TOX3: variants seen among roughly 807,000 people sequenced by gnomAD.
TOX3 encodes the protein TOX high mobility group box family member 3, also known as CAG trinucleotide repeat-containing gene F9 protein.
Under a neutral mutation model 64.3 loss-of-function variants are expected in TOX3, and 22 were observed. The ratio of observed to expected loss-of-function variants is 0.34; its 90% CI spans 0.24 to 0.49. TOX3 has a LOEUF of 0.49. Among genes scored for constraint, TOX3 ranks in the 20% least tolerant of loss-of-function variants. TOX3 has a pLI of 0.99. For synonymous variants in TOX3, 291 were observed against 273.6 expected, an observed-to-expected ratio of 1.06 and a Z score of -0.63; for missense variants, 661 against 714.4, an observed-to-expected ratio of 0.93 and a Z score of 0.85.
intron 1 of TOX3, among the ~76,000 whole-genome samples, chr16:52,527,208 G>T (rs537076259): frequency 6.6e-6 from 1 of 150,738 alleles, no homozygotes; most frequent in East Asian, 2.0e-4. Flanking sequence ...GAAAAAGCTA[G>T]CAGGTATACT....
Position 52,526,223 on chromosome 16 carries a change from G to T in TOX3, c.87+20414C>A, listed in dbSNP as rs202236033. On this transcript the variant is annotated intron_variant, in intron 1 of 6. Transcript: ENST00000219746. ...AGCCTGCCTGGAATGTCCAGCGAAA[G>T]CTTCAATAATCAGGGAGAAATGAGT... Among the ~76,000 whole-genome samples the T allele has an allele frequency of 6.6e-5, 10 of 152,306 alleles. No homozygotes were observed. In the East Asian group the frequency reaches 1.9e-3, roughly 29 times the overall value.
chr16:52,444,390 C>A, intron 5 of TOX3, 34 bp from the exon 6 acceptor site: 1 of 1,485,932 alleles, frequency 6.7e-7, no homozygotes, highest in Non-Finnish European at 9.1e-7. Context: ...CCACCTTTAG[C>A]GTATAAATTC....
At chr16:52,491,787 C>A (rs185683719) in intron 1 of TOX3, among the ~76,000 whole-genome samples, 9 of 152,142 alleles carry the variant, frequency 5.9e-5, no homozygotes, top group Admixed American at 5.9e-4. Context: ...AGTGTTATCT[C>A]CATCCTTAGA....
At chr16:52,518,507 G>A (rs529581305) in intron 1 of TOX3, among the ~76,000 whole-genome samples, 13 of 152,250 alleles carry the variant, frequency 8.5e-5, no homozygotes, top group Admixed American at 2.6e-4. Flanking sequence ...GTTCAAAGCC[G>A]GCTACTTGTT....
At chr16:52,489,314 A>C (rs1271385090) in intron 1 of TOX3, among the ~76,000 whole-genome samples, 1 of 152,104 alleles carries the variant, frequency 6.6e-6, no homozygotes, top group Non-Finnish European at 1.5e-5. Flanking sequence ...CCCACTAACT[A>C]TGTGTCCATC....
intron 1 of TOX3, among the ~76,000 whole-genome samples, chr16:52,487,934 C>A (rs906197732): frequency 3.3e-5 from 5 of 152,138 alleles, no homozygotes; most frequent in African/African-American, 1.2e-4. Flanking sequence ...TTTTCCCCCA[C>A]AATTCTGATA....
rs138831165 is a variant in TOX3, at chr16:52,511,990, G to A, written c.87+34647C>T. ...GAGAACTTGGAATCAGAAATTCCAC[G>A]TTCAAGCACCACGTTGCCTATTCCT... On this transcript the variant is annotated intron_variant, in intron 1 of 6. Transcript: ENST00000219746. Among the ~76,000 whole-genome samples, 749 of 152,288 alleles carry A rather than the reference G, an allele frequency of 4.9e-3. 4 individuals carry two copies. Among genetic ancestry groups the A allele is most frequent in the Middle Eastern group, 0.034 (10 of 294 alleles).
chr16:52,541,646 A>G (rs550986097), intron 1 of TOX3, among the ~76,000 whole-genome samples: 3 of 152,380 alleles, frequency 2.0e-5, no homozygotes, highest in East Asian at 3.9e-4. Context: ...AGTTTGTGAC[A>G]TGAAGTAGAT....
chr16:52,547,065 G>T lies in TOX3; in HGVS notation c.-342C>A. On this transcript the variant is annotated 5_prime_UTR_variant, in exon 1 of 7. Transcript: ENST00000219746. ...GAGTTCAGGTGCGCTGGGCGAGGCT[G>T]GGACGGCGGCGGCGGCGGCGGCTGG... 1.7e-6 allele frequency: 1 copy of T among 588,660 alleles called. No homozygotes were observed. Among genetic ancestry groups the T allele is most frequent in the Non-Finnish European group, 2.1e-6 (1 of 469,604 alleles). 36.5% of individuals were successfully genotyped at this position (588,660 alleles called of 1,614,324 possible).
At chr16:52,459,765 G>A (rs1356344364) in intron 3 of TOX3, among the ~76,000 whole-genome samples, 9 of 152,030 alleles carry the variant, frequency 5.9e-5, no homozygotes, top group Non-Finnish European at 8.8e-5. Flanking sequence ...ATTAAGCAAC[G>A]TTGCTAAAAA....
chr16:52,462,342 AT>A (rs1450935566), intron 3 of TOX3, among the ~76,000 whole-genome samples: 1 of 152,126 alleles, frequency 6.6e-6, no homozygotes, highest in Non-Finnish European at 1.5e-5. Flanking sequence ...TTATTTTATG[AT>A]TCCATCTTTA....
intron 1 of TOX3, among the ~76,000 whole-genome samples, chr16:52,527,269 G>A (rs1407828006): frequency 1.3e-5 from 2 of 152,102 alleles, no homozygotes; most frequent in African/African-American, 4.8e-5. Flanking sequence ...ACAATATTAG[G>A]AGAAATGGAA....
chr16:52,456,030 G>A (rs917136931), intron 3 of TOX3, among the ~76,000 whole-genome samples: 2 of 152,154 alleles, frequency 1.3e-5, no homozygotes, highest in African/African-American at 4.8e-5. Context: ...ACATACTGCC[G>A]ATAAGGAAAT....
intron 1 of TOX3, among the ~76,000 whole-genome samples, chr16:52,546,373 G>T (rs3095601): frequency 0.61 from 93,208 of 151,646 alleles, 31,281 homozygotes; most frequent in African/African-American, 0.89. Context: ...TTCGCTTTTT[G>T]GGGGCAGCAA....
Position 52,477,920 on chromosome 16 carries a change from C to T in TOX3, c.88-9346G>A, listed in dbSNP as rs74903942. Among the ~76,000 whole-genome samples the T allele has an allele frequency of 8.3e-3, 1,270 of 152,162 alleles. 19 individuals carry two copies. Among genetic ancestry groups the T allele is most frequent in the African/African-American group, 0.028 (1,178 of 41,504 alleles). ...TGGTGCTACCATAGCTCACTGTGGC[C>T]TCAAACTCCTAGGCTCAAATGATCC... On this transcript the variant is annotated intron_variant, in intron 1 of 6. Transcript: ENST00000219746.
At chr16:52,547,512 C>G (rs12930156), upstream of TOX3, 2 of 152,252 alleles carry the variant, frequency 1.3e-5, no homozygotes, top group Non-Finnish European at 2.9e-5. Context: ...CTTCCCCGGG[C>G]CCCAGCATCC....
intron 1 of TOX3, among the ~76,000 whole-genome samples, chr16:52,523,655 G>A (rs1242141968): frequency 6.6e-6 from 1 of 152,044 alleles, no homozygotes; most frequent in Non-Finnish European, 1.5e-5. Flanking sequence ...TTATTTATGG[G>A]GATTTATATA....
At chr16:52,459,525 G>A (rs1960626532) in intron 3 of TOX3, among the ~76,000 whole-genome samples, 2 of 152,124 alleles carry the variant, frequency 1.3e-5, no homozygotes, top group African/African-American at 4.8e-5. Context: ...ACCGTAACTT[G>A]ACCAAAATTA....
At chr16:52,459,643 T>C (rs1960630118) in intron 3 of TOX3, among the ~76,000 whole-genome samples, 1 of 152,210 alleles carries the variant, frequency 6.6e-6, no homozygotes, top group Non-Finnish European at 1.5e-5. Flanking sequence ...CCAGCCTCTA[T>C]TGACAATGGC....
Sources: gnomAD v4.1 joint callset for allele counts (sites outside exome capture counted in the v4.1 genomes callset) on GRCh38, gnomAD v4.1.1 for gene constraint, MANE v1.5 for transcripts, NCBI Gene and HGNC (gene_info 2026-07-23, HGNC 2026-07-21) for gene names.